Variants in ALDH2 observed in about 807,000 individuals in gnomAD.
ALDH2 encodes the protein aldehyde dehydrogenase 2 family member, also known as aldehyde dehydrogenase, mitochondrial.
A neutral mutation model predicts 59.6 loss-of-function variants in ALDH2; 44 were observed. The observed-to-expected ratio is 0.74, with a 90% CI of 0.58 to 0.95. The LOEUF (loss-of-function observed/expected upper bound fraction) is 0.95, where lower values mean the gene tolerates loss of function less well. Among genes scored for constraint, ALDH2 ranks in the 40% least tolerant of loss-of-function variants. The probability of loss-of-function intolerance (pLI) is 0.00; values close to 1 mark genes in which losing one functional copy is unlikely to be tolerated. For synonymous variants in ALDH2, 291 were observed against 284.0 expected (o/e 1.02, Z -0.25); for missense variants, 570 against 696.3 (o/e 0.82, Z 2.04).
chr12:111,799,767 CT>C, intron 10 of ALDH2, 138 bp from the exon 11 acceptor site: 1 of 1,039,126 alleles, frequency 9.6e-7, no homozygotes, highest in Non-Finnish European at 1.4e-6. Flanking sequence ...AGCTTGATGG[CT>C]GTTGTCTTCC....
At chr12:111,794,253 C>T (rs532701208) in intron 9 of ALDH2, among the ~76,000 whole-genome samples, 2 of 152,150 alleles carry the variant, frequency 1.3e-5, no homozygotes, top group South Asian at 2.1e-4. Flanking sequence ...CTCCTGACCT[C>T]GTGATCCACC....
chr12:111,778,972 C>A (rs374813139), intron 1 of ALDH2, among the ~76,000 whole-genome samples: 2 of 151,822 alleles, frequency 1.3e-5, no homozygotes, highest in East Asian at 3.9e-4. Context: ...GGTCCTCCCA[C>A]CTCAGCCTCC....
At chr12:111,787,341 G>A (rs1397053376) in intron 4 of ALDH2, among the ~76,000 whole-genome samples, 1 of 152,168 alleles carries the variant, frequency 6.6e-6, no homozygotes, top group Non-Finnish European at 1.5e-5. Context: ...CACTGGCTTT[G>A]AGGGCCAGTT....
At chr12:111,800,152 T>C in intron 11 of ALDH2, 89 bp downstream of exon 11, 1 of 1,444,184 alleles carries the variant, frequency 6.9e-7, no homozygotes, top group East Asian at 2.5e-5. Context: ...ATCCTGGAAT[T>C]TGGGGAGCTG....
intron 1 of ALDH2, among the ~76,000 whole-genome samples, chr12:111,769,554 G>GAA (rs1244827640): frequency 2.0e-5 from 3 of 151,652 alleles, no homozygotes; most frequent in Non-Finnish European, 4.4e-5. Flanking sequence ...GAGAGAGAGA[G>GAA]AATGCAAGCA....
Position 111,817,345 on chromosome 12 carries a change from C to G in ALDH2, c.*7770C>G, listed in dbSNP as rs528322187. The G allele has an allele frequency of 6.6e-5, 10 of 152,290 alleles. No homozygotes were observed. In the South Asian group the frequency reaches 1.7e-3, roughly 25 times the overall value. The allele number at this position is 152,290 out of a possible 1,614,324, so 9.4% of individuals were successfully genotyped here. ...GTAGCCCAAGGCTGGGACAGATTAA[C>G]AGGAATCCATAGCCCAGGGATGCGA... On this transcript the variant is annotated 3_prime_UTR_variant, in exon 13 of 13. Coordinates refer to ENST00000261733, the MANE Select transcript of ALDH2 (RefSeq NM_000690.4).
At chr12:111,803,806 G>A in intron 11 of ALDH2, 53 bp from the exon 12 acceptor site, 3 of 1,342,128 alleles carry the variant, frequency 2.2e-6, no homozygotes, top group Non-Finnish European at 3.1e-6. Context: ...GGTCCTGGGA[G>A]TGTAACCCAT....
rs201721832 is a variant in ALDH2, at chr12:111,798,101, G to A, written c.1107G>A (p.Lys369=). ...GPQVDETQFK[K]ILGYINTGKQ... ...AGGTGGATGAAACTCAGTTTAAGAA[G>A]ATCCTCGGCTACATCAACACGGGGA... The change falls in exon 10 of 13, where the codon AAG becomes AAA. Residue 369 remains lysine (K), a synonymous_variant. Coordinates refer to ENST00000261733, the MANE Select transcript of ALDH2 (RefSeq NM_000690.4). 1 of 1,614,154 alleles carries A rather than the reference G, an allele frequency of 6.2e-7. No homozygotes were observed. Among genetic ancestry groups the A allele is most frequent in the Non-Finnish European group, 8.5e-7 (1 of 1,180,018 alleles).
At position 111,792,138 on chromosome 12, in the gene ALDH2, C is replaced by A. The variant is rs1566189662; in HGVS notation, c.873C>A (p.Pro291=). The change falls in exon 8 of 13, where the codon CCC becomes CCA. Residue 291 remains proline (P), a synonymous_variant. Transcript: ENST00000261733. Reference sequence around the variant, plus strand: ...CCTTGGAGCTGGGGGGGAAGAGCCCCAACATCATCATGTCAGATGCCGATA... The same window carrying A: ...CCTTGGAGCTGGGGGGGAAGAGCCCAAACATCATCATGTCAGATGCCGATA... ...RVTLELGGKS[P]NIIMSDADMD... The A allele has an allele frequency of 6.2e-7, 1 of 1,607,284 alleles. No homozygotes were observed. The highest frequency in any genetic ancestry group is 1.1e-5 in the South Asian group (1 of 90,054).
At chr12:111,802,682 C>T (rs988504609) in intron 11 of ALDH2, among the ~76,000 whole-genome samples, 4 of 150,668 alleles carry the variant, frequency 2.7e-5, no homozygotes, top group Non-Finnish European at 5.9e-5. Context: ...AGATCAAGAC[C>T]ATCCTGGCTA....
At chr12:111,783,429 T>C in intron 3 of ALDH2, 131 bp downstream of exon 3, 1 of 1,151,786 alleles carries the variant, frequency 8.7e-7, no homozygotes, top group Non-Finnish European at 1.2e-6. Context: ...CTGATGGGAA[T>C]GGCATAGGAT....
chr12:111,797,597 T>C (rs2068415270), intron 9 of ALDH2, among the ~76,000 whole-genome samples: 1 of 144,494 alleles, frequency 6.9e-6, no homozygotes. Flanking sequence ...TGAGACCCCA[T>C]CTCAAAAACA....
chr12:111,812,760 C>T lies in ALDH2; in HGVS notation c.*3185C>T, dbSNP rs1235932922. ...GAGCGTGGTGATGTGTGCCTGTGGT[C>T]CCAGTTACTCTGGAGGCTGATGTGG... is the stretch of plus-strand genomic sequence containing the variant. On this transcript the variant is annotated 3_prime_UTR_variant, in exon 13 of 13. Transcript: ENST00000261733. 2 of 152,142 alleles carry T rather than the reference C, an allele frequency of 1.3e-5. No individual in the cohort carries two copies. The highest frequency in any genetic ancestry group is 2.9e-5 in the Non-Finnish European group (2 of 68,136). 9.4% of individuals were successfully genotyped at this position (152,142 alleles called of 1,614,324 possible). A position where few individuals can be genotyped will look rare whatever the true frequency, so the allele number is the denominator to read the frequency against.
At chr12:111,779,202 T>C (rs1248346474) in intron 1 of ALDH2, among the ~76,000 whole-genome samples, 1 of 151,298 alleles carries the variant, frequency 6.6e-6, no homozygotes, top group African/African-American at 2.4e-5. Flanking sequence ...TGTTTTCTTT[T>C]TTGAGAGAGG....
chr12:111,780,017 G>A (rs1187448503), intron 1 of ALDH2, among the ~76,000 whole-genome samples: 1 of 151,810 alleles, frequency 6.6e-6, no homozygotes, highest in African/African-American at 2.4e-5. Flanking sequence ...TCAGCCTCCC[G>A]AGTAGCTGGG....
rs1001507906 is a variant in ALDH2 at position 111,783,313 on chromosome 12, C to G, written c.360+15C>G. Reference sequence around the variant, plus strand: ...CCTACCTGGCGGTGAGTCCTCAGCCCTTCTCCCCCTCAGATCCCATGTGGT... The same window carrying G: ...CCTACCTGGCGGTGAGTCCTCAGCCGTTCTCCCCCTCAGATCCCATGTGGT... On this transcript the variant is annotated intron_variant, in intron 3 of 12. Transcript: ENST00000261733. The G allele has an allele frequency of 6.3e-7, 1 of 1,589,486 alleles. No individual in the cohort carries two copies. Among genetic ancestry groups the G allele is most frequent in the Admixed American group, 1.7e-5 (1 of 57,962 alleles).
At chr12:111,785,997 T>A (rs1196954984) in intron 4 of ALDH2, among the ~76,000 whole-genome samples, 4 of 152,246 alleles carry the variant, frequency 2.6e-5, no homozygotes, top group Non-Finnish European at 4.4e-5. Flanking sequence ...AGATCTGTAG[T>A]GTTGTCTTCA....
intron 10 of ALDH2, 48 bp from the exon 11 acceptor site, chr12:111,799,858 A>G (rs1405756483): frequency 3.8e-6 from 6 of 1,579,370 alleles, no homozygotes; most frequent in African/African-American, 2.7e-5. Context: ...GCTCGATGGC[A>G]GGTGCCTCCG....
At chr12:111,774,006 G>A (rs1177018066) in intron 1 of ALDH2, among the ~76,000 whole-genome samples, 2 of 152,206 alleles carry the variant, frequency 1.3e-5, no homozygotes, top group Non-Finnish European at 2.9e-5. Context: ...ACATGGGGAC[G>A]CATAGGGAGT....
Sources: allele counts gnomAD v4.1 joint callset (sites outside exome capture counted in the v4.1 genomes callset), GRCh38; gene constraint gnomAD v4.1.1; transcripts MANE v1.5; gene names NCBI Gene and HGNC (gene_info 2026-07-23, HGNC 2026-07-21).